Variants in C1orf105 observed in about 807,000 individuals in gnomAD.
C1orf105 encodes uncharacterized protein C1orf105.
A neutral mutation model predicts 20.8 loss-of-function variants in C1orf105; 17 were observed. The observed-to-expected ratio is 0.82, with a 90% confidence interval of 0.56 to 1.23. C1orf105 has a LOEUF of 1.23. Among genes scored for constraint, C1orf105 ranks in the 50% most tolerant of loss-of-function variants. C1orf105 has a pLI of 0.00. For synonymous variants in C1orf105, 72 were observed against 72.1 expected (o/e 1.00, Z 0.01); for missense variants, 219 against 213.5 (o/e 1.03, Z -0.16).
At chr1:172,461,135 GC>G (rs1307536559) in intron 4 of C1orf105, among the ~76,000 whole-genome samples, 5 of 152,154 alleles carry the variant, frequency 3.3e-5, no homozygotes, top group Non-Finnish European at 7.4e-5. Flanking sequence ...AGCCTTGGCT[GC>G]CCCCACTATG....
intron 1 of C1orf105, among the ~76,000 whole-genome samples, chr1:172,437,899 T>C (rs1235137755): frequency 6.6e-6 from 1 of 152,148 alleles, no homozygotes; most frequent in East Asian, 1.9e-4. Context: ...GAGAAGTCAA[T>C]GTCTGGCTTC....
chr1:172,428,742 G>A, intron 1 of C1orf105: 1 of 666,554 alleles, frequency 1.5e-6, no homozygotes, highest in African/African-American at 1.8e-5. Flanking sequence ...ATCTCCTCCT[G>A]CTATAATGTC....
In C1orf105 at chr1:172,442,734, T is replaced by G. The variant is rs1647465166; in HGVS notation, c.22-2339T>G. The G allele has an allele frequency of 1.9e-5, 17 of 914,118 alleles. 1 individual carries two copies. The South Asian group carries it at 2.7e-4, about 15-fold the overall frequency. The allele number at this position is 914,118 out of a possible 1,614,324, so 56.6% of individuals were successfully genotyped here. A position where few individuals can be genotyped will look rare whatever the true frequency, so the allele number is the denominator to read the frequency against. On this transcript the variant is annotated intron_variant, in intron 1 of 6. Transcript: ENST00000367727. ...AGACCTCCCTGGAAATTCCATGCTG[T>G]GTTGATGTTCTACCAACCTTTCCTT...
At position 172,468,553 on chromosome 1, in the gene C1orf105, T is replaced by C; in HGVS notation, c.511T>C (p.Leu171=). The change falls in exon 7 of 7, where the codon TTG becomes CTG. Residue 171 remains leucine (L), a synonymous_variant. Coordinates refer to ENST00000367727, the MANE Select transcript of C1orf105 (RefSeq NM_139240.4). ...TCTAAAAGAGAGACAACGTTCTTCC[T>C]TGCCCAGAAAGGAACCAATAGGCAA... is the stretch of plus-strand genomic sequence containing the variant. ...KTLKERQRSS[L]PRKEPIGKTT... is the part of the protein sequence containing the mutation. The C allele has an allele frequency of 6.2e-7, 1 of 1,613,298 alleles. No individual in the cohort carries two copies. The highest frequency in any genetic ancestry group is 2.2e-5 in the East Asian group (1 of 44,874).
chr1:172,453,226 T>A, intron 3 of C1orf105: 1 of 1,543,270 alleles, frequency 6.5e-7, no homozygotes, highest in Non-Finnish European at 8.8e-7. Context: ...GCTTTTTACC[T>A]TTAAATGTAA....
intron 4 of C1orf105, among the ~76,000 whole-genome samples, chr1:172,457,162 C>T (rs1384910675): frequency 6.6e-6 from 1 of 152,050 alleles, no homozygotes; most frequent in African/African-American, 2.4e-5. Context: ...GTTAGGCCTT[C>T]GGTAATTTAA....
chr1:172,448,069 A>G (rs936989404), intron 2 of C1orf105, among the ~76,000 whole-genome samples: 7 of 152,250 alleles, frequency 4.6e-5, no homozygotes, highest in African/African-American at 1.7e-4. Context: ...CCAAGAAGTC[A>G]GCCCAGGTAC....
intron 1 of C1orf105, chr1:172,443,786 C>T (rs950997481): frequency 1.4e-5 from 3 of 220,046 alleles, no homozygotes; most frequent in Non-Finnish European, 2.6e-5. Flanking sequence ...AAGGGCAGCG[C>T]CCGCCCGCAG....
chr1:172,460,921 G>T (rs2157450), intron 4 of C1orf105, among the ~76,000 whole-genome samples: 36,950 of 152,168 alleles, frequency 0.24, 4,690 homozygotes, highest in South Asian at 0.41. Flanking sequence ...TGCAGCCCCT[G>T]TAGCACAGTT....
At chr1:172,467,231 C>T (rs1294516904) in intron 6 of C1orf105, among the ~76,000 whole-genome samples, 1 of 152,134 alleles carries the variant, frequency 6.6e-6, no homozygotes, top group African/African-American at 2.4e-5. Context: ...TGCTGTGTTC[C>T]CTGTGGATTG....
chr1:172,447,178 G>A (rs1648106082), intron 2 of C1orf105, among the ~76,000 whole-genome samples: 1 of 152,202 alleles, frequency 6.6e-6, no homozygotes, highest in South Asian at 2.1e-4. Flanking sequence ...TTGGGAGAAA[G>A]TTCTCAATGT....
intron 4 of C1orf105, among the ~76,000 whole-genome samples, chr1:172,458,647 T>C (rs758746320): frequency 6.6e-6 from 1 of 152,214 alleles, no homozygotes; most frequent in Non-Finnish European, 1.5e-5. Context: ...ACATATTTAA[T>C]GTAATCCTCA....
intron 1 of C1orf105, among the ~76,000 whole-genome samples, chr1:172,423,759 C>T (rs1342159458): frequency 6.6e-6 from 1 of 151,612 alleles, no homozygotes; most frequent in Non-Finnish European, 1.5e-5. Context: ...ATAAATTTAA[C>T]AAAGAAATTG....
intron 4 of C1orf105, among the ~76,000 whole-genome samples, chr1:172,460,252 G>A (rs567512668): frequency 7.6e-4 from 116 of 152,200 alleles, no homozygotes; most frequent in Non-Finnish European, 1.2e-3. Flanking sequence ...CAAAATAGAT[G>A]AATCTCAAAA....
At chr1:172,426,231 G>A (rs1170285506) in intron 1 of C1orf105, among the ~76,000 whole-genome samples, 1 of 152,122 alleles carries the variant, frequency 6.6e-6, no homozygotes, top group African/African-American at 2.4e-5. Context: ...GTGGCAGCTT[G>A]TCTCCCACAG....
chr1:172,442,752 C>G, intron 1 of C1orf105: 1 of 808,946 alleles, frequency 1.2e-6, no homozygotes, highest in Non-Finnish European at 2.0e-6. Context: ...TTCTACCAAC[C>G]TTTCCTTGTT....
intron 2 of C1orf105, among the ~76,000 whole-genome samples, chr1:172,448,031 A>G (rs1163732821): frequency 2.0e-5 from 3 of 152,230 alleles, no homozygotes. Flanking sequence ...AAACAGGTGG[A>G]TTGTTTCAGG....
intron 6 of C1orf105, among the ~76,000 whole-genome samples, chr1:172,466,681 T>C (rs1209842355): frequency 6.6e-6 from 1 of 152,088 alleles, no homozygotes; most frequent in Non-Finnish European, 1.5e-5. Context: ...TAGAGAACAA[T>C]GTAACAAGAT....
chr1:172,462,070 G>A (rs4916261), intron 4 of C1orf105, 108 bp from the exon 5 acceptor site: 648,336 of 806,600 alleles, frequency 0.8, 262,400 homozygotes, highest in East Asian at 1. Flanking sequence ...AAGGATGTAT[G>A]AAGGACTTTG....
Sources: allele counts gnomAD v4.1 joint callset (sites outside exome capture counted in the v4.1 genomes callset), GRCh38; gene constraint gnomAD v4.1.1; transcripts MANE v1.5; gene names NCBI Gene and HGNC (gene_info 2026-07-23, HGNC 2026-07-21).